Variants in NLRC5 observed in about 807,000 individuals in gnomAD.
NLRC5 encodes the protein NLR family CARD domain containing 5, also known as protein NLRC5.
NLRC5 carries 114 observed loss-of-function variants against 206.9 expected under a neutral mutation model. The ratio of observed to expected loss-of-function variants is 0.55; its 90% CI spans 0.47 to 0.64. The LOEUF (loss-of-function observed/expected upper bound fraction) is 0.64, where lower values mean the gene tolerates loss of function less well. Ranked by LOEUF, NLRC5 falls within the 30% of genes least tolerant of loss-of-function variation. The pLI is 0.00. For synonymous variants in NLRC5, 952 were observed against 962.8 expected, an observed-to-expected ratio of 0.99 and a Z score of 0.21; for missense variants, 2,008 against 2,305.5, an observed-to-expected ratio of 0.87 and a Z score of 2.64.
intron 32 of NLRC5, chr16:57,062,698 GC>G (rs1264660141): frequency 6.6e-6 from 1 of 152,446 alleles, no homozygotes; most frequent in African/African-American, 2.4e-5. Context: ...TCTCATTGCA[GC>G]CTGTGACAAG....
Position 57,055,456 on chromosome 16 carries a change from G to A in NLRC5, c.3683G>A (p.Ser1228Asn), listed in dbSNP as rs533479954. The A allele has an allele frequency of 1.9e-6, 3 of 1,613,998 alleles. No homozygotes were observed. In the African/African-American group the frequency reaches 4.0e-5, roughly 22 times the overall value. Residue 1228 changes from serine (S) to asparagine (N), a missense_variant, in exon 27 of 49, where the codon AGC becomes AAC. Coordinates refer to ENST00000688547, the MANE Select transcript of NLRC5 (RefSeq NM_001384950.1). ...AGCAGGTTCACAGGCTGCAGCCTCA[G>A]CCAGGAGCACGTAGAGTCACTCTGC... ...CCGRFTGCSL[S>N]QEHVESLCWL...
Position 57,043,499 on chromosome 16 carries a change from C to T in NLRC5, c.3114-16C>T, listed in dbSNP as rs1047107749. The T allele has an allele frequency of 6.2e-7, 1 of 1,609,864 alleles. No homozygotes were observed. Among genetic ancestry groups the T allele is most frequent in the Non-Finnish European group, 8.5e-7 (1 of 1,176,038 alleles). On this transcript the variant is annotated splice_polypyrimidine_tract_variant and intron_variant, in intron 19 of 48. Transcript: ENST00000688547. ...GTCCTGAGTGACCTCCATTGTGCCA[C>T]CCCTGTGATCTCCAGCCTCAGTGAG...
intron 21 of NLRC5, 53 bp downstream of exon 21, chr16:57,045,545 C>G: frequency 1.9e-6 from 3 of 1,568,698 alleles, no homozygotes; most frequent in Non-Finnish European, 2.6e-6. Context: ...TGGTCCCCGT[C>G]TGTTGGAGGT....
At chr16:57,030,147 A>G (rs1444515628) in intron 10 of NLRC5, 63 bp downstream of exon 10, 2 of 1,364,820 alleles carry the variant, frequency 1.5e-6, no homozygotes, top group African/African-American at 2.9e-5. Flanking sequence ...GGAAAGTGGG[A>G]TGGGAAATGG....
chr16:56,992,877 T>A (rs574302514), intron 1 of NLRC5, among the ~76,000 whole-genome samples: 1 of 89,948 alleles, frequency 1.1e-5, no homozygotes, highest in African/African-American at 2.8e-5. Context: ...TTAAATCTTA[T>A]TATATCATGT....
At chr16:57,038,813 T>C (rs1056655930) in intron 15 of NLRC5, among the ~76,000 whole-genome samples, 3 of 151,734 alleles carry the variant, frequency 2.0e-5, no homozygotes, top group Non-Finnish European at 4.4e-5. Flanking sequence ...CGTGCACCTG[T>C]AATTCCAGCT....
intron 1 of NLRC5, among the ~76,000 whole-genome samples, chr16:57,006,402 A>G (rs1234541530): frequency 6.4e-5 from 8 of 124,152 alleles, no homozygotes; most frequent in Non-Finnish European, 1.2e-4. Context: ...CATAAAGTTC[A>G]TCTTCATCCT....
At chr16:57,066,402 C>G (rs1206301810) in intron 33 of NLRC5, 132 bp from the exon 34 acceptor site, 1 of 721,550 alleles carries the variant, frequency 1.4e-6, no homozygotes, top group African/African-American at 1.7e-5. Flanking sequence ...CAGTCCTAAG[C>G]TGGTCCCTGG....
intron 12 of NLRC5, 126 bp downstream of exon 12, chr16:57,033,795 G>T (rs2062165163): frequency 1.1e-6 from 1 of 888,750 alleles, no homozygotes; most frequent in African/African-American, 1.7e-5. Flanking sequence ...GGATTAGCCG[G>T]GTGTGGTGCC....
At chr16:57,036,205 T>A (rs764247451) in intron 14 of NLRC5, 22 bp downstream of exon 14, 1 of 1,609,678 alleles carries the variant, frequency 6.2e-7, no homozygotes, top group African/African-American at 1.3e-5. Flanking sequence ...ACCCCACCGC[T>A]GGGTACCAGG....
chr16:57,079,365 C>A, intron 45 of NLRC5, 73 bp downstream of exon 45: 1 of 1,546,202 alleles, frequency 6.5e-7, no homozygotes, highest in Non-Finnish European at 8.9e-7. Flanking sequence ...CTGAGCCTAA[C>A]ACCTGGGGAG....
chr16:57,079,599 TC>T lies in NLRC5; in HGVS notation c.5292del (p.Phe1764LeufsTer9), dbSNP rs781331810. ...NQTAKLLTSS[F>X]TSCPALEVIL... ...ACTGCCAAGCTCCTCACCTCCAGCTTCACGAGCTGCCCTGCCCTGGAAGTAA... is the reference window on the plus strand; with the variant it reads ...ACTGCCAAGCTCCTCACCTCCAGCTTACGAGCTGCCCTGCCCTGGAAGTAA... On this transcript the variant is annotated frameshift_variant, in exon 46 of 49. Transcript: ENST00000688547. LOFTEE classifies it high-confidence loss of function. 9 of 1,613,960 alleles carry T rather than the reference TC, an allele frequency of 5.6e-6. No individual in the cohort carries two copies. Among genetic ancestry groups the T allele is most frequent in the Non-Finnish European group, 7.6e-6 (9 of 1,179,934 alleles).
intron 43 of NLRC5, among the ~76,000 whole-genome samples, chr16:57,078,467 T>G (rs1323062416): frequency 1.7e-5 from 1 of 58,528 alleles, no homozygotes; most frequent in Admixed American, 1.4e-4. Context: ...TGGGACCTTG[T>G]TTTTTTTTTT....
At chr16:57,062,137 T>C (rs1193686549) in intron 32 of NLRC5, 6 of 919,516 alleles carry the variant, frequency 6.5e-6, no homozygotes, top group South Asian at 2.8e-5. Flanking sequence ...TATATTTGCT[T>C]CTATTTTTAT....
chr16:57,071,712 T>C (rs1463217941), intron 38 of NLRC5, among the ~76,000 whole-genome samples: 3 of 100,072 alleles, frequency 3.0e-5, no homozygotes, highest in Admixed American at 2.5e-4. Flanking sequence ...GTGGTGATGG[T>C]GGTTAATGGG....
intron 48 of NLRC5, 63 bp from the exon 49 acceptor site, chr16:57,082,354 C>T (rs2069255070): frequency 6.0e-6 from 8 of 1,334,972 alleles, no homozygotes; most frequent in Non-Finnish European, 8.5e-6. Context: ...GCCTCCCAAT[C>T]TGCAGATACG....
chr16:57,022,833 A>G (rs944122079), intron 4 of NLRC5, among the ~76,000 whole-genome samples: 3 of 152,258 alleles, frequency 2.0e-5, no homozygotes, highest in African/African-American at 4.8e-5. Flanking sequence ...TGATTTCTAC[A>G]GAAGCATTGA....
chr16:57,024,681 AT>A (rs1276075796), intron 5 of NLRC5, among the ~76,000 whole-genome samples: 2 of 152,190 alleles, frequency 1.3e-5, no homozygotes, highest in Non-Finnish European at 1.5e-5. Flanking sequence ...GGCACTGGGG[AT>A]CCAGATATTA....
chr16:56,998,532 G>A (rs540278728), intron 1 of NLRC5, among the ~76,000 whole-genome samples: 13 of 152,286 alleles, frequency 8.5e-5, no homozygotes, highest in Admixed American at 2.0e-4. Context: ...TGAGAACATT[G>A]AGGCCCAGAG....
Sources: gnomAD v4.1 joint callset for allele counts (sites outside exome capture counted in the v4.1 genomes callset) on GRCh38, gnomAD v4.1.1 for gene constraint, MANE v1.5 for transcripts, NCBI Gene and HGNC (gene_info 2026-07-23, HGNC 2026-07-21) for gene names.